Variants in GRID2 observed in about 807,000 individuals in gnomAD.
GRID2 encodes glutamate receptor ionotropic, delta-2.
A neutral mutation model predicts 114.8 loss-of-function variants in GRID2; 33 were observed. The observed-to-expected ratio is 0.29, with a 90% CI of 0.22 to 0.38. The LOEUF is 0.38. GRID2 is among the 10% of genes least tolerant of loss of function. The pLI is 1.00. For missense variants in GRID2, 1,184 were observed against 1,257.7 expected (o/e 0.94, Z 0.89); for synonymous variants, 505 against 449.9 (o/e 1.12, Z -1.55).
At chr4:93,158,939 T>A (rs1014985872) in intron 4 of GRID2, among the ~76,000 whole-genome samples, 1 of 146,390 alleles carries the variant, frequency 6.8e-6, no homozygotes, top group Non-Finnish European at 1.5e-5. Context: ...AATGTTACAT[T>A]TAAAAACCAC....
intron 7 of GRID2, among the ~76,000 whole-genome samples, chr4:93,228,133 T>C (rs1745713104): frequency 6.6e-6 from 1 of 152,138 alleles, no homozygotes. Flanking sequence ...GTACCAGTTT[T>C]CTCTCTTGAT....
At chr4:92,683,547 T>TA (rs1733754113) in intron 2 of GRID2, among the ~76,000 whole-genome samples, 2 of 151,842 alleles carry the variant, frequency 1.3e-5, no homozygotes, top group Non-Finnish European at 2.9e-5. Context: ...AAAAGCAATA[T>TA]AAAAAGAAGG....
At chr4:93,802,365 T>A (rs1447312525) in intron 1 of GRID2, among the ~76,000 whole-genome samples, 2 of 152,010 alleles carry the variant, frequency 1.3e-5, no homozygotes, top group East Asian at 3.9e-4. Flanking sequence ...ACTTTGACTC[T>A]ATGTGTGAGA....
At chr4:93,525,556 A>G (rs1730802459) in intron 13 of GRID2, among the ~76,000 whole-genome samples, 1 of 152,220 alleles carries the variant, frequency 6.6e-6, no homozygotes, top group Admixed American at 6.5e-5. Flanking sequence ...GATTGTGAAG[A>G]ATAGAGAGCC....
chr4:93,525,439 G>A (rs1339735068), intron 13 of GRID2, among the ~76,000 whole-genome samples: 1 of 152,056 alleles, frequency 6.6e-6, no homozygotes, highest in Non-Finnish European at 1.5e-5. Context: ...ACACCTACTG[G>A]GCCATGTATC....
At chr4:93,047,057 T>C (rs1178353273) in intron 2 of GRID2, among the ~76,000 whole-genome samples, 1 of 151,948 alleles carries the variant, frequency 6.6e-6, no homozygotes, top group Non-Finnish European at 1.5e-5. Flanking sequence ...TCTTATGTGG[T>C]CTTCCTTCTA....
intron 14 of GRID2, among the ~76,000 whole-genome samples, chr4:93,756,289 C>G (rs1246593828): frequency 6.6e-6 from 1 of 152,172 alleles, no homozygotes; most frequent in Admixed American, 6.5e-5. Flanking sequence ...AAAGTGGCCC[C>G]TAAGTGACAC....
chr4:93,008,449 T>C (rs565186783), intron 2 of GRID2, among the ~76,000 whole-genome samples: 1 of 152,244 alleles, frequency 6.6e-6, no homozygotes, highest in South Asian at 2.1e-4. Context: ...ATCTATATAG[T>C]TGAATTTTCT....
At chr4:93,112,495 C>A (rs1009567001) in intron 4 of GRID2, among the ~76,000 whole-genome samples, 2 of 152,090 alleles carry the variant, frequency 1.3e-5, no homozygotes, top group Non-Finnish European at 2.9e-5. Context: ...CTGACTCTCT[C>A]CTGCCTCCTT....
chr4:92,476,641 A>G (rs994503842), intron 1 of GRID2, among the ~76,000 whole-genome samples: 7 of 152,198 alleles, frequency 4.6e-5, no homozygotes, highest in Non-Finnish European at 8.8e-5. Context: ...GAAAACATAT[A>G]TATCTCAGAA....
At chr4:93,714,344 T>C (rs1298726061) in intron 14 of GRID2, among the ~76,000 whole-genome samples, 1 of 152,198 alleles carries the variant, frequency 6.6e-6, no homozygotes, top group East Asian at 1.9e-4. Flanking sequence ...CTATCATCGA[T>C]GGACATTTAG....
At chr4:93,205,173 A>T (rs1204045123) in intron 4 of GRID2, among the ~76,000 whole-genome samples, 1 of 152,072 alleles carries the variant, frequency 6.6e-6, no homozygotes, top group Non-Finnish European at 1.5e-5. Context: ...TAAAACAATC[A>T]GAAAATTTGA....
rs557754514 is a variant in GRID2, at chr4:92,834,976, G to T, written c.244+244690G>T. 2.6e-5 allele frequency among the ~76,000 whole-genome samples: 4 copies of T among 152,214 alleles called. No individual in the cohort carries two copies. In the South Asian group the frequency reaches 8.3e-4, roughly 32 times the overall value. On this transcript the variant is annotated intron_variant, in intron 2 of 15. Coordinates refer to ENST00000282020, the MANE Select transcript of GRID2 (RefSeq NM_001510.4). ...GATGAGACCCTGTTTCCTCAATTCA[G>T]TTAGCATGGGTTGAATACCTACATA...
chr4:92,799,001 C>T (rs1054489833), intron 2 of GRID2, among the ~76,000 whole-genome samples: 2 of 152,056 alleles, frequency 1.3e-5, no homozygotes, highest in Admixed American at 6.6e-5. Context: ...ACCAGGGATA[C>T]GATTGGTGGA....
At chr4:92,531,352 C>A (rs1725346791) in intron 1 of GRID2, among the ~76,000 whole-genome samples, 1 of 151,776 alleles carries the variant, frequency 6.6e-6, no homozygotes, top group African/African-American at 2.4e-5. Flanking sequence ...AAAACACAGT[C>A]TAGATTAATT....
chr4:92,875,808 C>G (rs1745586785), intron 2 of GRID2, among the ~76,000 whole-genome samples: 1 of 151,976 alleles, frequency 6.6e-6, no homozygotes, highest in Non-Finnish European at 1.5e-5. Flanking sequence ...CCATATCTAC[C>G]TAGAATAAAT....
intron 2 of GRID2, among the ~76,000 whole-genome samples, chr4:93,009,073 G>C (rs999699237): frequency 6.6e-6 from 1 of 151,866 alleles, no homozygotes; most frequent in African/African-American, 2.4e-5. Context: ...AAATTTTTTG[G>C]GATTTTTGAT....
intron 2 of GRID2, among the ~76,000 whole-genome samples, chr4:92,962,278 T>C (rs1173304058): frequency 2.0e-5 from 3 of 151,778 alleles, no homozygotes; most frequent in Non-Finnish European, 4.4e-5. Context: ...AGTAGAACTG[T>C]TGTAAATAGA....
intron 2 of GRID2, among the ~76,000 whole-genome samples, chr4:92,913,894 T>C (rs762869355): frequency 7.2e-5 from 11 of 152,046 alleles, no homozygotes; most frequent in Non-Finnish European, 1.6e-4. Context: ...CAAACATTCA[T>C]TAGAAGTGGA....
Sources: allele counts gnomAD v4.1 joint callset (sites outside exome capture counted in the v4.1 genomes callset), GRCh38; gene constraint gnomAD v4.1.1; transcripts MANE v1.5; gene names NCBI Gene and HGNC (gene_info 2026-07-23, HGNC 2026-07-21).